The following TYSND1 variants were observed in gnomAD, a reference collection of about 807,000 sequenced individuals.
The protein encoded by TYSND1 is peroxisomal leader peptide-processing protease.
A neutral mutation model predicts 37.2 loss-of-function variants in TYSND1; 30 were observed. The ratio of observed to expected loss-of-function variants is 0.81; its 90% confidence interval spans 0.60 to 1.09. The LOEUF (loss-of-function observed/expected upper bound fraction) is 1.09, where lower values mean the gene tolerates loss of function less well. Ranked by LOEUF, TYSND1 falls within the 50% of genes least tolerant of loss-of-function variation. TYSND1 has a pLI of 0.00. For synonymous variants in TYSND1, 364 were observed against 383.8 expected (o/e 0.95, Z 0.60); for missense variants, 806 against 817.4 (o/e 0.99, Z 0.17).
At chr10:70,142,632 A>C in intron 3 of TYSND1, 36 bp downstream of exon 3, 1 of 1,314,948 alleles carries the variant, frequency 7.6e-7, no homozygotes, top group Non-Finnish European at 1.0e-6. Context: ...GGTTCTGGCA[A>C]GTGGGAGGGC....
intron 3 of TYSND1, 22 bp downstream of exon 3, chr10:70,142,645 GA>G: frequency 1.3e-6 from 2 of 1,533,498 alleles, no homozygotes; most frequent in Non-Finnish European, 1.8e-6. Flanking sequence ...GGGAGGGCGG[GA>G]GGGGGCCAAA....
chr10:70,144,545 C>A, intron 1 of TYSND1: 1 of 987,740 alleles, frequency 1.0e-6, no homozygotes, highest in South Asian at 4.7e-5. Flanking sequence ...TCAGCGTCAA[C>A]TCCCGGGGAG....
chr10:70,141,627 T>A (rs1373864465), intron 3 of TYSND1, among the ~76,000 whole-genome samples: 1 of 152,220 alleles, frequency 6.6e-6, no homozygotes, highest in African/African-American at 2.4e-5. Context: ...AGCTATCTGA[T>A]GTCTGTATGG....
chr10:70,144,426 C>T (rs775714178), intron 1 of TYSND1: 26 of 981,284 alleles, frequency 2.6e-5, no homozygotes, highest in African/African-American at 8.8e-5. Flanking sequence ...ACAACAATCC[C>T]GTCAGTTGGT....
Position 70,145,803 on chromosome 10 carries a change from C to T in TYSND1, c.784G>A (p.Glu262Lys), listed in dbSNP as rs1368029662. ...CGCGCGGTGAACACGCCGCCGCCCT[C>T]GGTGCCGGGCAGGCAGCGTGCGTCG... ...LTDARCLPGT[E>K]GGGVFTARPA... Residue 262 changes from glutamate to lysine, a missense_variant, in exon 1 of 4, where the codon GAG becomes AAG. Glu to Lys is a moderately conservative substitution (Grantham distance 56, BLOSUM62 1). This residue lies in a region of TYSND1 where 708 missense variants were observed against 705.4 expected (regional missense o/e 1.00). Coordinates refer to ENST00000287078, the MANE Select transcript of TYSND1 (RefSeq NM_173555.4). 4.7e-6 allele frequency: 7 copies of T among 1,503,568 alleles called. No individual in the cohort carries two copies. The East Asian group carries it at 1.8e-4, about 40-fold the overall frequency. The allele number at this position is 1,503,568 out of a possible 1,614,324, so 93.1% of individuals were successfully genotyped here.
At chr10:70,144,131 G>A (rs183158054) in intron 1 of TYSND1, 159 bp from the exon 2 acceptor site, 2 of 856,092 alleles carry the variant, frequency 2.3e-6, no homozygotes, top group African/African-American at 3.4e-5. Context: ...CCATTCTGTG[G>A]TATCTCCAAA....
chr10:70,146,258 C>A lies in TYSND1; in HGVS notation c.329G>T (p.Cys110Phe), dbSNP rs974292255. The A allele has an allele frequency of 1.4e-6, 2 of 1,479,936 alleles. No individual in the cohort carries two copies. Among genetic ancestry groups the A allele is most frequent in the Non-Finnish European group, 1.8e-6 (2 of 1,123,688 alleles). 91.7% of individuals were successfully genotyped at this position (1,479,936 alleles called of 1,614,324 possible). ...RGRPGLCTPQ[C>F]ASLEPGPPAP... ...AGGTGGGCCGGGCTCGAGGCTCGCG[C>A]ACTGGGGCGTGCACAGCCCTGGGCG... Residue 110 changes from cysteine to phenylalanine, a missense_variant, in exon 1 of 4, where the codon TGC (cysteine) becomes TTC (phenylalanine). Cys to Phe is a radical substitution (Grantham distance 205). This residue lies in a region of TYSND1 where 708 missense variants were observed against 705.4 expected (regional missense o/e 1.00). Coordinates refer to ENST00000287078, the MANE Select transcript of TYSND1 (RefSeq NM_173555.4).
At chr10:70,140,989 T>C (rs956374522) in intron 3 of TYSND1, among the ~76,000 whole-genome samples, 4 of 152,022 alleles carry the variant, frequency 2.6e-5, no homozygotes, top group African/African-American at 9.7e-5. Context: ...TTTGTTCTTG[T>C]TTTTGTTTTT....
rs1403427390 is a variant in TYSND1 at position 70,144,449 on chromosome 10, A to G, written c.1167-477T>C. ...CCCGTCAGTTGGTGGGTCAGATATGACATGGTTTCACTCCTCTGGGTCCCT... is the reference window on the plus strand; with the variant it reads ...CCCGTCAGTTGGTGGGTCAGATATGGCATGGTTTCACTCCTCTGGGTCCCT... On this transcript the variant is annotated intron_variant, in intron 1 of 3. Coordinates refer to ENST00000287078, the MANE Select transcript of TYSND1 (RefSeq NM_173555.4). 3 of 997,062 alleles carry G rather than the reference A, an allele frequency of 3.0e-6. No individual in the cohort carries two copies. The Admixed American group carries it at 1.7e-4, about 56-fold the overall frequency. The allele number at this position is 997,062 out of a possible 1,614,324, so 61.8% of individuals were successfully genotyped here.
At position 70,146,139 on chromosome 10, in the gene TYSND1, GGC is replaced by G; in HGVS notation, c.446_447del (p.Arg149ProfsTer19). 6.4e-7 allele frequency: 1 copy of G among 1,555,404 alleles called. No homozygotes were observed. The highest frequency in any genetic ancestry group is 1.2e-5 in the South Asian group (1 of 84,740). On this transcript the variant is annotated frameshift_variant, in exon 1 of 4. Coordinates refer to ENST00000287078, the MANE Select transcript of TYSND1 (RefSeq NM_173555.4). LOFTEE classifies it high-confidence loss of function. ...TGTTCCGCTGCCTCGTCCCCGAAGA[GGC>G]GCGCGAAGTGGGCCCAGAAGGCCGG... is the stretch of plus-strand genomic sequence containing the variant. ...SCPAFWAHFA[R>X]LFGDEAAEQW...
chr10:70,146,230 G>A lies in TYSND1; in HGVS notation c.357C>T (p.Ala119=). 2.7e-6 allele frequency: 4 copies of A among 1,497,440 alleles called. No homozygotes were observed. Among genetic ancestry groups the A allele is most frequent in the Middle Eastern group, 2.0e-4 (1 of 5,056 alleles). 92.8% of individuals were successfully genotyped at this position (1,497,440 alleles called of 1,614,324 possible). The change falls in exon 1 of 4, where the codon GCC becomes GCT. Residue 119 remains alanine, a synonymous_variant. Coordinates refer to ENST00000287078, the MANE Select transcript of TYSND1 (RefSeq NM_173555.4). ...GCTGCAGGGGACGCCCGCGGGACGG[G>A]GCAGGTGGGCCGGGCTCGAGGCTCG... ...QCASLEPGPP[A]PSRGRPLQPR...
chr10:70,140,049 G>A lies in TYSND1; in HGVS notation c.1576C>T (p.Leu526=), dbSNP rs2072738506. The A allele has an allele frequency of 1.9e-6, 3 of 1,614,214 alleles. No homozygotes were observed. The highest frequency in any genetic ancestry group is 2.5e-6 in the Non-Finnish European group (3 of 1,180,016). ...SIPITVLQPA[L]QQYSQTQDLG... ...TCTTGGGTCTGGCTGTACTGCTGCA[G>A]GGCCGGCTGGAGCACCGTGATGGGA... Residue 526 remains leucine, a synonymous_variant, in exon 4 of 4, where the codon CTG becomes TTG. Transcript: ENST00000287078.
intron 3 of TYSND1, among the ~76,000 whole-genome samples, chr10:70,140,985 CTTGT>C (rs2072761796): frequency 1.3e-5 from 2 of 148,646 alleles, no homozygotes; most frequent in Non-Finnish European, 3.0e-5. Context: ...TTTTTTTGTT[CTTGT>C]TTTTGTTTTT....
rs781654800 is a variant in TYSND1 at position 70,146,166 on chromosome 10, GGCAGCTCAGCAGCAGCA to G, written c.404_420del (p.Leu135ProfsTer28). 7.9e-5 allele frequency: 123 copies of G among 1,548,668 alleles called. No homozygotes were observed. Among genetic ancestry groups the G allele is most frequent in the Non-Finnish European group, 9.7e-5 (112 of 1,150,430 alleles). Reference sequence around the variant, plus strand: ...CGCGCGAAGTGGGCCCAGAAGGCCGGGCAGCTCAGCAGCAGCAGCAGCTCAGCAGGAAGCCGGGGCTG... The same window carrying G: ...CGCGCGAAGTGGGCCCAGAAGGCCGGGCAGCTCAGCAGGAAGCCGGGGCTG... On this transcript the variant is annotated frameshift_variant, in exon 1 of 4. Transcript: ENST00000287078. LOFTEE classifies it high-confidence loss of function.
Position 70,146,310 on chromosome 10 carries a change from C to A in TYSND1, c.277G>T (p.Gly93Cys), listed in dbSNP as rs1483510648. Residue 93 changes from glycine (G) to cysteine (C), a missense_variant, in exon 1 of 4, where the codon GGT becomes TGT. This residue lies in a region of TYSND1 where 708 missense variants were observed against 705.4 expected (regional missense o/e 1.00). Transcript: ENST00000287078. ...CCCCGCTCCGCGCCGCCCCCGGGAC[C>A]CGCGGCCGTTGGGGCCCACTGCACG... ...LHVQWAPTAAGPGGGAERGRP... is the reference protein window; with the variant it reads ...LHVQWAPTAACPGGGAERGRP... 6.7e-7 allele frequency: 1 copy of A among 1,499,756 alleles called. No individual in the cohort carries two copies. The highest frequency in any genetic ancestry group is 2.2e-5 in the Admixed American group (1 of 45,994). The allele number at this position is 1,499,756 out of a possible 1,614,324, so 92.9% of individuals were successfully genotyped here.
intron 2 of TYSND1, among the ~76,000 whole-genome samples, 195 bp downstream of exon 2, chr10:70,143,647 C>A (rs186340860): frequency 7.9e-5 from 12 of 152,330 alleles, no homozygotes; most frequent in African/African-American, 2.6e-4. Flanking sequence ...TGCAGGCACT[C>A]GGGGAAAGGG....
In TYSND1 at chr10:70,144,273, C is replaced by T. The variant is rs1226831837; in HGVS notation, c.1167-301G>A. ...CATCACTTTATTTAGTCTTCACGAC[C>T]CTATAAACTAGGCACTGGCATTATC... On this transcript the variant is annotated intron_variant, in intron 1 of 3. Coordinates refer to ENST00000287078, the MANE Select transcript of TYSND1 (RefSeq NM_173555.4). 4.3e-5 allele frequency: 15 copies of T among 345,546 alleles called. No homozygotes were observed. The South Asian group carries it at 6.0e-4, about 14-fold the overall frequency. 21.4% of individuals were successfully genotyped at this position (345,546 alleles called of 1,614,324 possible).
In TYSND1 at chr10:70,146,481, C is replaced by T. The variant is rs369734572; in HGVS notation, c.106G>A (p.Gly36Arg). Residue 36 changes from glycine to arginine, a missense_variant, in exon 1 of 4, where the codon GGG becomes AGG. Transcript: ENST00000287078. ...QPEAGPWSCS[G>R]VILSRSPGLV... ...CCCGGGCTACGGCTCAGGATTACCC[C>T]GCTGCAGCTCCACGGGCCCGCCTCG... 5.0e-6 allele frequency: 8 copies of T among 1,600,064 alleles called. No individual in the cohort carries two copies. Among genetic ancestry groups the T allele is most frequent in the Middle Eastern group, 3.3e-4 (2 of 6,064 alleles).
intron 1 of TYSND1, chr10:70,144,522 C>T (rs1346304279): frequency 1.4e-5 from 14 of 987,334 alleles, no homozygotes; most frequent in Non-Finnish European, 1.7e-5. Flanking sequence ...TGACAGGCTC[C>T]GTTCCACGAC....
Sources: gnomAD v4.1 joint callset for allele counts (sites outside exome capture counted in the v4.1 genomes callset) on GRCh38, gnomAD v4.1.1 for gene constraint, gnomAD v4.1.1 regional missense constraint, MANE v1.5 for transcripts, NCBI Gene and HGNC (gene_info 2026-07-23, HGNC 2026-07-21) for gene names.